PARD3B: variants seen among roughly 807,000 people sequenced by gnomAD.
PARD3B encodes par-3 family cell polarity regulator beta, also known as partitioning defective 3 homolog B.
Under a neutral mutation model 130.2 loss-of-function variants are expected in PARD3B, and 103 were observed. The ratio of observed to expected loss-of-function variants is 0.79; its 90% CI spans 0.67 to 0.93. PARD3B has a LOEUF of 0.93. Ranked by LOEUF, PARD3B falls within the 40% of genes least tolerant of loss-of-function variation. PARD3B has a pLI of 0.00. For synonymous variants in PARD3B, 583 were observed against 553.2 expected (o/e 1.05, Z -0.76); for missense variants, 1,609 against 1,499.2 (o/e 1.07, Z -1.21).
At chr2:205,210,329 T>C (rs2037562149) in intron 15 of PARD3B, among the ~76,000 whole-genome samples, 1 of 152,134 alleles carries the variant, frequency 6.6e-6, no homozygotes, top group Non-Finnish European at 1.5e-5. Context: ...TTTTCTCAAG[T>C]GATTGTACCA....
chr2:205,151,754 A>G (rs2033771874), intron 10 of PARD3B, among the ~76,000 whole-genome samples: 3 of 152,198 alleles, frequency 2.0e-5, no homozygotes, highest in Admixed American at 6.5e-5. Context: ...CATTTAGCCA[A>G]TTTACATTTA....
At chr2:204,656,011 T>C (rs1220423148) in intron 1 of PARD3B, among the ~76,000 whole-genome samples, 1 of 152,042 alleles carries the variant, frequency 6.6e-6, no homozygotes, top group African/African-American at 2.4e-5. Context: ...CAGGCTAGTC[T>C]GGGCCTTTTC....
At position 204,677,640 on chromosome 2, in the gene PARD3B, C is replaced by A. The variant is rs2036617893; in HGVS notation, c.121-8541C>A. Among the ~76,000 whole-genome samples, 1 of 152,154 alleles carries A rather than the reference C, an allele frequency of 6.6e-6. No individual in the cohort carries two copies. The highest frequency in any genetic ancestry group is 2.1e-4 in the South Asian group (1 of 4,826). On this transcript the variant is annotated intron_variant, in intron 1 of 22. Transcript: ENST00000406610. This position sits in a 1 kb window ranked among gnomAD's most constrained non-coding sequence, Gnocchi z 4.1. ...CACTTTGGCACAGAGTGAAACGATT[C>A]CTTGTTCTGTTCTCACACAGTCCTT...
chr2:204,900,106 C>T (rs142706395), intron 2 of PARD3B, among the ~76,000 whole-genome samples: 11 of 151,986 alleles, frequency 7.2e-5, no homozygotes, highest in African/African-American at 1.7e-4. Flanking sequence ...GGGCTAAATC[C>T]GCCTGGTGTT....
intron 1 of PARD3B, among the ~76,000 whole-genome samples, chr2:204,647,538 A>T (rs1371454696): frequency 2.0e-5 from 3 of 151,820 alleles, no homozygotes; most frequent in Non-Finnish European, 4.4e-5. Flanking sequence ...AGTTGTATGT[A>T]ATAAGACTGG....
rs2054388968 is a variant in PARD3B, at chr2:205,591,617, T to A, written c.3261-23839T>A. On this transcript the variant is annotated intron_variant, in intron 22 of 22. Transcript: ENST00000406610. The surrounding 1 kb of genome is among the most constrained non-coding windows in gnomAD (Gnocchi z 4.2). Reference sequence around the variant, plus strand: ...TCGTTCATTGGAAACCCAGAACTGTTGTTCCTAACCTCCCTGATGTCTCAT... The same window carrying A: ...TCGTTCATTGGAAACCCAGAACTGTAGTTCCTAACCTCCCTGATGTCTCAT... Among the ~76,000 whole-genome samples the A allele has an allele frequency of 6.6e-6, 1 of 152,224 alleles. No homozygotes were observed. The highest frequency in any genetic ancestry group is 2.1e-4 in the South Asian group (1 of 4,828).
At chr2:205,390,242 A>G (rs1034341882) in intron 18 of PARD3B, among the ~76,000 whole-genome samples, 4 of 151,718 alleles carry the variant, frequency 2.6e-5, no homozygotes, top group African/African-American at 9.7e-5. Flanking sequence ...AAACAATTCT[A>G]TGATGTTCTC....
chr2:205,199,972 T>C (rs1045110220), intron 15 of PARD3B, among the ~76,000 whole-genome samples: 3 of 144,982 alleles, frequency 2.1e-5, no homozygotes, highest in Non-Finnish European at 3.0e-5. Context: ...TTTGTGAAAT[T>C]AAAAAAAAAA....
intron 4 of PARD3B, among the ~76,000 whole-genome samples, chr2:205,081,597 G>A (rs2125513273): frequency 6.6e-6 from 1 of 152,132 alleles, no homozygotes; most frequent in African/African-American, 2.4e-5. Context: ...AATAGGCTGA[G>A]AGTTTTTAAT....
chr2:204,990,086 A>G (rs375555182), intron 3 of PARD3B, among the ~76,000 whole-genome samples: 11 of 152,110 alleles, frequency 7.2e-5, no homozygotes, highest in African/African-American at 2.2e-4. Context: ...GCAAAACAAT[A>G]TAGCTAGATT....
At chr2:204,660,088 A>G (rs971710632) in intron 1 of PARD3B, among the ~76,000 whole-genome samples, 3 of 152,164 alleles carry the variant, frequency 2.0e-5, no homozygotes, top group Admixed American at 6.5e-5. Context: ...GCTGGTTGAT[A>G]GCTCTCAGTG....
intron 20 of PARD3B, among the ~76,000 whole-genome samples, chr2:205,465,232 A>G (rs1472604320): frequency 1.3e-5 from 2 of 152,186 alleles, no homozygotes; most frequent in Non-Finnish European, 2.9e-5. Flanking sequence ...AATAGTGAGA[A>G]TCCACTATTG....
intron 22 of PARD3B, among the ~76,000 whole-genome samples, chr2:205,612,226 C>A (rs1276538906): frequency 1.3e-5 from 2 of 152,172 alleles, no homozygotes; most frequent in Non-Finnish European, 2.9e-5. Flanking sequence ...AATCTCAGCT[C>A]ACTGCAACCT....
chr2:204,590,087 T>C (rs1294138427), intron 1 of PARD3B, among the ~76,000 whole-genome samples: 1 of 152,132 alleles, frequency 6.6e-6, no homozygotes, highest in Non-Finnish European at 1.5e-5. Context: ...AATATGCCAT[T>C]ATTATCACAA....
At chr2:204,547,136 A>G (rs1236310854) in intron 1 of PARD3B, among the ~76,000 whole-genome samples, 1 of 152,230 alleles carries the variant, frequency 6.6e-6, no homozygotes, top group African/African-American at 2.4e-5. Context: ...CTAGTGATGG[A>G]AAAACGTAAG....
rs542541966 is a variant in PARD3B at position 204,682,691 on chromosome 2, A to G, written c.121-3490A>G. Among the ~76,000 whole-genome samples, 14 of 152,154 alleles carry G rather than the reference A, an allele frequency of 9.2e-5. No homozygotes were observed. The South Asian group carries it at 2.1e-3, about 23-fold the overall frequency. ...TTTGCAGCACTCTCCCCACTTTGGGACCTCGCTGCCATTGCAGGCTGTTTT... is the reference window on the plus strand; with the variant it reads ...TTTGCAGCACTCTCCCCACTTTGGGGCCTCGCTGCCATTGCAGGCTGTTTT... On this transcript the variant is annotated intron_variant, in intron 1 of 22. Coordinates refer to ENST00000406610, the MANE Select transcript of PARD3B (RefSeq NM_001302769.2).
At chr2:204,860,558 A>G (rs1224132915) in intron 2 of PARD3B, among the ~76,000 whole-genome samples, 2 of 152,246 alleles carry the variant, frequency 1.3e-5, no homozygotes, top group Non-Finnish European at 2.9e-5. Flanking sequence ...CAGCTTGTAT[A>G]CAGAAAACGT....
In PARD3B at chr2:205,353,090, A is replaced by G. The variant is rs181620822; in HGVS notation, c.2631-47923A>G. On this transcript the variant is annotated intron_variant, in intron 18 of 22. Transcript: ENST00000406610. Reference sequence around the variant, plus strand: ...GGGAATTTATCTACAGATGTCTTTAACTCGTTACTGTGTCCAGCCTGTGCC... The same window carrying G: ...GGGAATTTATCTACAGATGTCTTTAGCTCGTTACTGTGTCCAGCCTGTGCC... Among the ~76,000 whole-genome samples the G allele has an allele frequency of 3.9e-5, 6 of 152,278 alleles. No homozygotes were observed. The East Asian group carries it at 1.2e-3, about 29-fold the overall frequency.
chr2:205,288,397 G>A lies in PARD3B; in HGVS notation c.2186-12133G>A, dbSNP rs969905688. 3.3e-5 allele frequency among the ~76,000 whole-genome samples: 5 copies of A among 152,264 alleles called. No individual in the cohort carries two copies. The highest frequency in any genetic ancestry group is 7.2e-5 in the African/African-American group (3 of 41,556). ...TTGAAATTGTAAAAAGAAAGGAAGA[G>A]CAAGAGATTTTATTAGCAATGAGTT... is the stretch of plus-strand genomic sequence containing the variant. On this transcript the variant is annotated intron_variant, in intron 16 of 22. Coordinates refer to ENST00000406610, the MANE Select transcript of PARD3B (RefSeq NM_001302769.2). The surrounding 1 kb of genome is among the most constrained non-coding windows in gnomAD (Gnocchi z 4.0).
Sources: allele counts gnomAD v4.1 joint callset (sites outside exome capture counted in the v4.1 genomes callset), GRCh38; gene constraint gnomAD v4.1.1; non-coding constraint Gnocchi (gnomAD v3.1); transcripts MANE v1.5; gene names NCBI Gene and HGNC (gene_info 2026-07-23, HGNC 2026-07-21).